Variants in ZSWIM5 observed in about 807,000 individuals in gnomAD.
The protein encoded by ZSWIM5 is zinc finger SWIM-type containing 5.
ZSWIM5 carries 55 observed loss-of-function variants against 119.6 expected under a neutral mutation model. That is an observed-to-expected ratio of 0.46 (90% CI 0.37 to 0.58). ZSWIM5 has a LOEUF of 0.58. Among genes scored for constraint, ZSWIM5 ranks in the 20% least tolerant of loss-of-function variants. The probability of loss-of-function intolerance (pLI) is 0.00; values close to 1 mark genes in which losing one functional copy is unlikely to be tolerated. For synonymous variants in ZSWIM5, 537 were observed against 606.9 expected (o/e 0.88, Z 1.69); for missense variants, 1,193 against 1,512.8 (o/e 0.79, Z 3.51).
At chr1:45,101,483 C>T (rs1005777989) in intron 1 of ZSWIM5, among the ~76,000 whole-genome samples, 14 of 152,112 alleles carry the variant, frequency 9.2e-5, no homozygotes, top group Non-Finnish European at 1.8e-4. Flanking sequence ...GACAGTGTGG[C>T]GATTCCTCAA....
chr1:45,205,871 T>G lies in ZSWIM5; in HGVS notation c.480A>C (p.Ala160=). ...GSAPGGVAAG[A]SPGLGAGAGA... ...CGGCCCCTGCGCCCAGCCCGGGGGA[T>G]GCCCCAGCCGCGACGCCCCCGGGGG... The change falls in exon 1 of 14, where the codon GCA becomes GCC. Residue 160 remains alanine, a synonymous_variant. Coordinates refer to ENST00000359600, the MANE Select transcript of ZSWIM5 (RefSeq NM_020883.2). 6 of 1,309,366 alleles carry G rather than the reference T, an allele frequency of 4.6e-6. No individual in the cohort carries two copies. Among genetic ancestry groups the G allele is most frequent in the East Asian group, 8.2e-5 (2 of 24,454 alleles). The allele number at this position is 1,309,366 out of a possible 1,614,324, so 81.1% of individuals were successfully genotyped here.
chr1:45,019,231 G>A lies in ZSWIM5; in HGVS notation c.2781C>T (p.Ala927=), dbSNP rs760197640. Residue 927 remains alanine (A), a synonymous_variant, in exon 14 of 14, where the codon GCC becomes GCT. Coordinates refer to ENST00000359600, the MANE Select transcript of ZSWIM5 (RefSeq NM_020883.2). The surrounding 1 kb of genome is among the most constrained non-coding windows in gnomAD (Gnocchi z 5.0). ...TEATSIVAAT[A]VSHTTILRLS... ...GGCGCAGGATAGTGGTGTGGGATACGGCTGTGGCAGCTACAATACTAGTAG... is the reference window on the plus strand; with the variant it reads ...GGCGCAGGATAGTGGTGTGGGATACAGCTGTGGCAGCTACAATACTAGTAG... 97 of 1,613,574 alleles carry A rather than the reference G, an allele frequency of 6.0e-5. 1 individual carries two copies. In the Middle Eastern group the frequency reaches 1.4e-3, roughly 23 times the overall value.
intron 1 of ZSWIM5, among the ~76,000 whole-genome samples, chr1:45,116,962 A>C (rs573324917): frequency 1.3e-5 from 2 of 152,234 alleles, no homozygotes; most frequent in African/African-American, 4.8e-5. Context: ...GTTTACAATA[A>C]GCCAAAGGTA....
rs1025908685 is a variant in ZSWIM5, at chr1:45,139,486, T to G, written c.596-51249A>C. ...TCCCTCTCTCTCTCTTTTTTTTTTT[T>G]TTTTGTAGAGACAGTCTCAAGCAAT... On this transcript the variant is annotated intron_variant, in intron 1 of 13. Coordinates refer to ENST00000359600, the MANE Select transcript of ZSWIM5 (RefSeq NM_020883.2). Among the ~76,000 whole-genome samples, 17 of 143,232 alleles carry G rather than the reference T, an allele frequency of 1.2e-4. 1 individual carries two copies. Among genetic ancestry groups the G allele is most frequent in the African/African-American group, 4.4e-4 (17 of 38,688 alleles). The allele number at this position is 143,232 out of a possible 152,430, so 94.0% of individuals were successfully genotyped here.
chr1:45,067,439 C>CAAA (rs35391088), intron 2 of ZSWIM5, among the ~76,000 whole-genome samples: 41 of 140,740 alleles, frequency 2.9e-4, no homozygotes, highest in African/African-American at 1.0e-3. Context: ...GACCCTGCCT[C>CAAA]AAAAAAAAAA....
chr1:45,155,911 C>T (rs749188608), intron 1 of ZSWIM5, among the ~76,000 whole-genome samples: 1 of 151,564 alleles, frequency 6.6e-6, no homozygotes, highest in Non-Finnish European at 1.5e-5. Flanking sequence ...GTGAGGAATA[C>T]AAGACTACAA....
chr1:45,184,200 C>A (rs1009686198), intron 1 of ZSWIM5, among the ~76,000 whole-genome samples: 1 of 151,998 alleles, frequency 6.6e-6, no homozygotes, highest in South Asian at 2.1e-4. Context: ...ATTCAACAAC[C>A]CTTCATGCTA....
intron 5 of ZSWIM5, among the ~76,000 whole-genome samples, chr1:45,048,083 T>A (rs1258333824): frequency 2.3e-5 from 1 of 44,348 alleles, no homozygotes; most frequent in Non-Finnish European, 4.8e-5. Flanking sequence ...TTCTTTTCTC[T>A]TTTTTTTTTT....
At chr1:45,183,340 T>A (rs1570193487) in intron 1 of ZSWIM5, among the ~76,000 whole-genome samples, 1 of 151,604 alleles carries the variant, frequency 6.6e-6, no homozygotes, top group Non-Finnish European at 1.5e-5. Flanking sequence ...TTAAAAGAAC[T>A]AGAAAAGCAA....
intron 1 of ZSWIM5, among the ~76,000 whole-genome samples, chr1:45,160,709 T>G (rs915860771): frequency 1.2e-4 from 18 of 150,962 alleles, no homozygotes; most frequent in Middle Eastern, 6.9e-3. Context: ...GGCTGGACGG[T>G]AATGGCATGA....
At chr1:45,136,184 G>T (rs1645688365) in intron 1 of ZSWIM5, among the ~76,000 whole-genome samples, 1 of 152,044 alleles carries the variant, frequency 6.6e-6, no homozygotes, top group Admixed American at 6.5e-5. Flanking sequence ...TCTTGGTAGG[G>T]CTTTTTATTA....
chr1:45,063,983 G>GA (rs1297677308), intron 2 of ZSWIM5, among the ~76,000 whole-genome samples: 139 of 136,934 alleles, frequency 1.0e-3, no homozygotes, highest in Admixed American at 1.1e-3. Context: ...CTCTGTCTCA[G>GA]AAAAAAAAAA....
chr1:45,068,496 CA>C (rs34111213), intron 2 of ZSWIM5, among the ~76,000 whole-genome samples: 9 of 148,648 alleles, frequency 6.1e-5, no homozygotes, highest in African/African-American at 9.9e-5. Flanking sequence ...AACTCCGTCT[CA>C]AAAAAAAAAA....
chr1:45,058,921 G>A (rs1406219265), intron 3 of ZSWIM5, among the ~76,000 whole-genome samples, 162 bp from the exon 4 acceptor site: 2 of 152,188 alleles, frequency 1.3e-5, no homozygotes, highest in African/African-American at 4.8e-5. Context: ...ATCTCTGCAT[G>A]TACCAAGAAA....
intron 2 of ZSWIM5, among the ~76,000 whole-genome samples, chr1:45,082,482 C>A (rs536149251): frequency 6.6e-6 from 1 of 152,318 alleles, no homozygotes; most frequent in South Asian, 2.1e-4. Flanking sequence ...CCTAGCTAGA[C>A]ATGTTGGAAC....
At chr1:45,076,036 C>T (rs1645254898) in intron 2 of ZSWIM5, among the ~76,000 whole-genome samples, 1 of 152,158 alleles carries the variant, frequency 6.6e-6, no homozygotes, top group South Asian at 2.1e-4. Flanking sequence ...CGTGCCCCTG[C>T]TTCTTAACTT....
At chr1:45,062,017 G>A (rs1460901290) in intron 2 of ZSWIM5, among the ~76,000 whole-genome samples, 1 of 152,104 alleles carries the variant, frequency 6.6e-6, no homozygotes, top group East Asian at 1.9e-4. Context: ...TTGAACCTGG[G>A]AGGTGAACAT....
intron 11 of ZSWIM5, among the ~76,000 whole-genome samples, chr1:45,031,169 AT>A (rs34390567): frequency 0.22 from 13,697 of 61,224 alleles, 542 homozygotes; most frequent in Admixed American, 0.31. Flanking sequence ...TTTTGCTCTG[AT>A]TTTTTTTTTT....
At chr1:45,164,969 ATAG>A (rs1350011716) in intron 1 of ZSWIM5, among the ~76,000 whole-genome samples, 1 of 152,134 alleles carries the variant, frequency 6.6e-6, no homozygotes, top group African/African-American at 2.4e-5. Context: ...AGCAGACCTA[ATAG>A]ACATCTACAG....
Sources: allele counts gnomAD v4.1 joint callset (sites outside exome capture counted in the v4.1 genomes callset), GRCh38; gene constraint gnomAD v4.1.1; non-coding constraint Gnocchi (gnomAD v3.1); transcripts MANE v1.5; gene names NCBI Gene and HGNC (gene_info 2026-07-23, HGNC 2026-07-21).